The following RAB10 variants were observed in gnomAD, a reference collection of about 807,000 sequenced individuals.
RAB10 encodes the protein RAB10, member RAS oncogene family.
Under a neutral mutation model 25.7 loss-of-function variants are expected in RAB10, and 5 were observed. The observed-to-expected ratio is 0.19, with a 90% confidence interval of 0.10 to 0.41. The LOEUF is 0.41. Ranked by LOEUF, RAB10 falls within the 10% of genes least tolerant of loss-of-function variation. RAB10 has a pLI of 1.00. For synonymous variants in RAB10, 89 were observed against 86.4 expected, an observed-to-expected ratio of 1.03 and a Z score of -0.16; for missense variants, 103 against 245.8, an observed-to-expected ratio of 0.42 and a Z score of 3.89.
Position 26,135,120 on chromosome 2 carries a change from T to C in RAB10, c.*99T>C. The stretch of plus-strand genomic sequence containing the variant: ...CATTTTTAACTCTAAACAGATATTT[T>C]TGTTTCTCATCTTAACTATCCAAGC... On this transcript the variant is annotated 3_prime_UTR_variant, in exon 6 of 6. Transcript: ENST00000264710. 1.1e-6 allele frequency: 1 copy of C among 918,674 alleles called. No individual in the cohort carries two copies. Among genetic ancestry groups the C allele is most frequent in the Non-Finnish European group, 1.6e-6 (1 of 629,404 alleles). 56.9% of individuals were successfully genotyped at this position (918,674 alleles called of 1,614,324 possible).
At chr2:26,040,063 T>C (rs1665851618) in intron 1 of RAB10, among the ~76,000 whole-genome samples, 1 of 152,166 alleles carries the variant, frequency 6.6e-6, no homozygotes, top group Non-Finnish European at 1.5e-5. Context: ...CAATGTAAAG[T>C]AGCCAGTTGG....
chr2:26,088,769 C>A (rs1034046718), intron 1 of RAB10, among the ~76,000 whole-genome samples: 1 of 151,986 alleles, frequency 6.6e-6, no homozygotes, highest in African/African-American at 2.4e-5. Context: ...GGATTACAGG[C>A]GCCCGCCACC....
chr2:26,135,066 C>A lies in RAB10; in HGVS notation c.*45C>A. The A allele has an allele frequency of 1.4e-6, 2 of 1,480,136 alleles. No individual in the cohort carries two copies. The highest frequency in any genetic ancestry group is 9.4e-7 in the Non-Finnish European group (1 of 1,068,090). 91.7% of individuals were successfully genotyped at this position (1,480,136 alleles called of 1,614,324 possible). A position where few individuals can be genotyped will look rare whatever the true frequency, so the allele number is the denominator to read the frequency against. On this transcript the variant is annotated 3_prime_UTR_variant, in exon 6 of 6. Coordinates refer to ENST00000264710, the MANE Select transcript of RAB10 (RefSeq NM_016131.5). Reference sequence around the variant, plus strand: ...GTTGCCATCCACTACCCCGTTTTCTCTTCTTGCTGCAAAATAAACCACTCT... The same window carrying A: ...GTTGCCATCCACTACCCCGTTTTCTATTCTTGCTGCAAAATAAACCACTCT...
intron 1 of RAB10, among the ~76,000 whole-genome samples, chr2:26,055,413 A>G (rs997344777): frequency 2.8e-5 from 4 of 140,864 alleles, no homozygotes; most frequent in African/African-American, 1.1e-4. Flanking sequence ...TTTTTTGGAG[A>G]TACTCACTCT....
At chr2:26,068,923 GGA>G (rs1377945765) in intron 1 of RAB10, among the ~76,000 whole-genome samples, 3 of 152,144 alleles carry the variant, frequency 2.0e-5, no homozygotes, top group African/African-American at 2.4e-5. Context: ...TCTTCGTGGG[GGA>G]GAGAATACAG....
At chr2:26,122,741 A>G (rs1667832196) in intron 3 of RAB10, among the ~76,000 whole-genome samples, 2 of 152,246 alleles carry the variant, frequency 1.3e-5, no homozygotes, top group Admixed American at 6.5e-5. Flanking sequence ...AGTTAATGCC[A>G]GCAAAGAATG....
intron 2 of RAB10, among the ~76,000 whole-genome samples, chr2:26,102,439 C>CTTTTT (rs562310195): frequency 2.4e-5 from 3 of 124,364 alleles, no homozygotes; most frequent in African/African-American, 6.2e-5. Context: ...TTTTTTCTTT[C>CTTTTT]TTTTTTTTTT....
chr2:26,057,890 C>G (rs953390847), intron 1 of RAB10, among the ~76,000 whole-genome samples: 1 of 152,186 alleles, frequency 6.6e-6, no homozygotes, highest in African/African-American at 2.4e-5. Context: ...TCCCACAGTG[C>G]TGGGATTACA....
chr2:26,086,107 G>T (rs901143341), intron 1 of RAB10, among the ~76,000 whole-genome samples: 6 of 151,626 alleles, frequency 4.0e-5, no homozygotes, highest in African/African-American at 1.5e-4. Context: ...CTGAGGCCAG[G>T]AGTTCAAGAC....
intron 1 of RAB10, among the ~76,000 whole-genome samples, chr2:26,054,547 G>A (rs1666209168): frequency 6.6e-6 from 1 of 152,070 alleles, no homozygotes; most frequent in Admixed American, 6.6e-5. Flanking sequence ...TTTAATGTGG[G>A]GATATATATT....
chr2:26,098,946 T>C (rs1240251740), intron 2 of RAB10, among the ~76,000 whole-genome samples: 1 of 152,202 alleles, frequency 6.6e-6, no homozygotes, highest in Admixed American at 6.5e-5. Context: ...TATATACTCA[T>C]TATTAGGCTT....
chr2:26,073,181 G>A (rs1278986469), intron 1 of RAB10, among the ~76,000 whole-genome samples: 1 of 152,212 alleles, frequency 6.6e-6, no homozygotes, highest in African/African-American at 2.4e-5. Flanking sequence ...TGGGAATAGT[G>A]TTGTTGATTT....
At chr2:26,082,447 A>C (rs1392127596) in intron 1 of RAB10, among the ~76,000 whole-genome samples, 1 of 152,146 alleles carries the variant, frequency 6.6e-6, no homozygotes, top group Non-Finnish European at 1.5e-5. Flanking sequence ...ATAATGATAA[A>C]GGGGTCAGTT....
intron 3 of RAB10, among the ~76,000 whole-genome samples, chr2:26,110,903 G>A (rs760505399): frequency 8.5e-5 from 13 of 152,102 alleles, no homozygotes; most frequent in East Asian, 1.9e-4. Context: ...ATGGGGTCTC[G>A]CCATGTTGGC....
At chr2:26,124,288 A>G (rs1667861630) in intron 3 of RAB10, among the ~76,000 whole-genome samples, 1 of 147,662 alleles carries the variant, frequency 6.8e-6, no homozygotes, top group Non-Finnish European at 1.5e-5. Context: ...AGCATATTTT[A>G]TAACTTTCCT....
intron 1 of RAB10, among the ~76,000 whole-genome samples, chr2:26,045,541 C>CTTTCAACTTT (rs113982969): frequency 0.034 from 5,195 of 152,172 alleles, 291 homozygotes; most frequent in African/African-American, 0.12. Flanking sequence ...GCCCGGCCGT[C>CTTTCAACTTT]TAACAGTAGA....
Position 26,034,764 on chromosome 2 carries a change from T to G in RAB10, c.127+29T>G, listed in dbSNP as rs771318054. The G allele has an allele frequency of 3.7e-6, 6 of 1,613,294 alleles. No individual in the cohort carries two copies. In the African/African-American group the frequency reaches 8.0e-5, roughly 22 times the overall value. On this transcript the variant is annotated intron_variant, in intron 1 of 5. Coordinates refer to ENST00000264710, the MANE Select transcript of RAB10 (RefSeq NM_016131.5). ...AGACCTGTGGGAGGACGGTGTACGGTCTCGGTAGCTGCATACCGTTTATTT... is the reference window on the plus strand; with the variant it reads ...AGACCTGTGGGAGGACGGTGTACGGGCTCGGTAGCTGCATACCGTTTATTT...
At chr2:26,086,895 A>G (rs1244607009) in intron 1 of RAB10, among the ~76,000 whole-genome samples, 1 of 152,218 alleles carries the variant, frequency 6.6e-6, no homozygotes, top group East Asian at 1.9e-4. Context: ...GTTTGCTTCT[A>G]TTTCATGAAG....
chr2:26,040,073 G>T (rs1468554526), intron 1 of RAB10, among the ~76,000 whole-genome samples: 1 of 152,190 alleles, frequency 6.6e-6, no homozygotes, highest in East Asian at 1.9e-4. Context: ...TAGCCAGTTG[G>T]TCAACGTGCA....
Sources: allele counts gnomAD v4.1 joint callset (sites outside exome capture counted in the v4.1 genomes callset), GRCh38; gene constraint gnomAD v4.1.1; transcripts MANE v1.5; gene names NCBI Gene and HGNC (gene_info 2026-07-23, HGNC 2026-07-21).